CCDC180: variants seen among roughly 807,000 people sequenced by gnomAD.
CCDC180 encodes the protein coiled-coil domain containing 180.
In CCDC180, 154 loss-of-function variants were observed where a neutral mutation model predicts 209.2. That is an observed-to-expected ratio of 0.74 (90% CI 0.65 to 0.84). The LOEUF is 0.84. Ranked by LOEUF, CCDC180 falls within the 40% of genes least tolerant of loss-of-function variation. CCDC180 has a pLI of 0.00. For synonymous variants in CCDC180, 778 were observed against 749.1 expected (o/e 1.04, Z -0.63); for missense variants, 1,874 against 1,997.3 (o/e 0.94, Z 1.18).
chr9:97,337,030 C>T (rs1158897686), intron 18 of CCDC180, among the ~76,000 whole-genome samples: 4 of 152,176 alleles, frequency 2.6e-5, no homozygotes, highest in Non-Finnish European at 4.4e-5. Flanking sequence ...TGAGACTTTG[C>T]TGAAGTTGCT....
intron 13 of CCDC180, 64 bp from the exon 14 acceptor site, chr9:97,324,955 G>T: frequency 6.7e-7 from 1 of 1,494,382 alleles, no homozygotes; most frequent in Non-Finnish European, 9.1e-7. Context: ...CCCACAGGTG[G>T]GCCCTCTTCT....
Position 97,377,333 on chromosome 9 carries a change from C to T in CCDC180, c.*439C>T, listed in dbSNP as rs1827285902. ...TCCTAGACCCAACAAATAACTAATC[C>T]AATGTTGATTGGTATTTGTGCCACA... On this transcript the variant is annotated 3_prime_UTR_variant, in exon 37 of 37. Transcript: ENST00000529487. The T allele has an allele frequency of 6.5e-6, 1 of 152,954 alleles. No individual in the cohort carries two copies. Among genetic ancestry groups the T allele is most frequent in the Non-Finnish European group, 1.5e-5 (1 of 68,678 alleles). The allele number at this position is 152,954 out of a possible 1,614,324, so 9.5% of individuals were successfully genotyped here. A position where few individuals can be genotyped will look rare whatever the true frequency, so the allele number is the denominator to read the frequency against.
At chr9:97,335,007 C>T (rs1263914249) in intron 18 of CCDC180, among the ~76,000 whole-genome samples, 7 of 152,136 alleles carry the variant, frequency 4.6e-5, no homozygotes, top group Admixed American at 4.6e-4. Context: ...ATAGCAGGTA[C>T]ATTTCATTAA....
chr9:97,343,257 C>A, intron 18 of CCDC180, 83 bp from the exon 19 acceptor site: 1 of 927,960 alleles, frequency 1.1e-6, no homozygotes, highest in Non-Finnish European at 1.6e-6. Context: ...GGTTTACAAC[C>A]TCTGATATCA....
intron 19 of CCDC180, among the ~76,000 whole-genome samples, chr9:97,346,343 G>T (rs1025293736): frequency 2.0e-5 from 3 of 152,084 alleles, no homozygotes; most frequent in African/African-American, 7.2e-5. Flanking sequence ...CATCTGCTGC[G>T]ATGTTGTTTC....
intron 34 of CCDC180, chr9:97,372,063 G>A (rs138678427): frequency 3.4e-4 from 56 of 166,746 alleles, no homozygotes; most frequent in African/African-American, 1.2e-3. Context: ...ACCACAAACT[G>A]GAAAAGTATT....
Position 97,377,653 on chromosome 9 carries a change from C to G in CCDC180, c.*759C>G, listed in dbSNP as rs979844222. 1 of 152,276 alleles carries G rather than the reference C, an allele frequency of 6.6e-6. No individual in the cohort carries two copies. Among genetic ancestry groups the G allele is most frequent in the African/African-American group, 2.4e-5 (1 of 41,444 alleles). 9.4% of individuals were successfully genotyped at this position (152,276 alleles called of 1,614,324 possible). ...GTTCCCTCACCTGGGGACACTCACT[C>G]TGCTCTCCTGGTTTGCTCCACCCAG... On this transcript the variant is annotated 3_prime_UTR_variant, in exon 37 of 37. Coordinates refer to ENST00000529487, the MANE Select transcript of CCDC180 (RefSeq NM_020893.6).
chr9:97,308,949 T>A (rs1029689554), intron 2 of CCDC180, among the ~76,000 whole-genome samples: 3 of 152,202 alleles, frequency 2.0e-5, no homozygotes, highest in African/African-American at 7.2e-5. Context: ...AATTTCTAAT[T>A]TCTAATTTCT....
Position 97,332,219 on chromosome 9 carries a change from A to G in CCDC180, c.2274+1452A>G, listed in dbSNP as rs183208601. ...GTTTAGGTGTGAGGCATTCTATTCCATTGGTCTGTGTGTCTGTTTTTGTGC... is the reference window on the plus strand; with the variant it reads ...GTTTAGGTGTGAGGCATTCTATTCCGTTGGTCTGTGTGTCTGTTTTTGTGC... On this transcript the variant is annotated intron_variant, in intron 18 of 36. Transcript: ENST00000529487. 2.0e-3 allele frequency among the ~76,000 whole-genome samples: 304 copies of G among 151,984 alleles called. 1 individual carries two copies. The highest frequency in any genetic ancestry group is 2.0e-3 in the Non-Finnish European group (135 of 67,938).
rs779493205 is a variant in CCDC180, at chr9:97,318,497, C to G, written c.994C>G (p.Pro332Ala). 3.7e-6 allele frequency: 6 copies of G among 1,613,792 alleles called. No individual in the cohort carries two copies. The South Asian group carries it at 5.5e-5, about 15-fold the overall frequency. ...FMASESIHTP[P>A]AVTKELEVML... The stretch of plus-strand genomic sequence containing the variant: ...GGCCAGTGAGAGTATCCATACTCCC[C>G]CGGCTGTGACGAAGGAGCTAGAGGT... Residue 332 changes from proline (P) to alanine (A), a missense_variant, in exon 10 of 37, where the codon CCG (proline) becomes GCG (alanine). Transcript: ENST00000529487.
In CCDC180 at chr9:97,362,273, G is replaced by A; in HGVS notation, c.3734G>A (p.Gly1245Glu). ...ACAGGTAGAGGCGCATGGGCCTGTG[G>A]GTCTCGGGGCAGCAGTGAGGCAGGG... ...SQTGRGAWAC[G>E]SRGSSEAGAG... is the part of the protein sequence containing the mutation. Residue 1245 changes from glycine to glutamate, a missense_variant, in exon 28 of 37, where the codon GGG becomes GAG. Transcript: ENST00000529487. 6.2e-7 allele frequency: 1 copy of A among 1,614,138 alleles called. No homozygotes were observed. The highest frequency in any genetic ancestry group is 1.3e-5 in the African/African-American group (1 of 75,010).
At chr9:97,315,448 T>G (rs73559853) in intron 8 of CCDC180, among the ~76,000 whole-genome samples, 234 of 152,252 alleles carry the variant, frequency 1.5e-3, no homozygotes, top group African/African-American at 5.3e-3. Flanking sequence ...CTTGGCTCTG[T>G]CCCCACTGCT....
intron 3 of CCDC180, among the ~76,000 whole-genome samples, chr9:97,311,045 G>A (rs1480393357): frequency 3.3e-5 from 5 of 152,156 alleles, no homozygotes; most frequent in East Asian, 1.9e-4. Flanking sequence ...TCCCTCAGGC[G>A]TCAAAGCAAA....
At chr9:97,308,694 C>G (rs1030009439) in intron 2 of CCDC180, among the ~76,000 whole-genome samples, 5 of 152,166 alleles carry the variant, frequency 3.3e-5, no homozygotes, top group African/African-American at 1.2e-4. Context: ...ACACACAGAC[C>G]CAAATTCTTC....
At chr9:97,318,842 C>T (rs1157493913) in intron 10 of CCDC180, among the ~76,000 whole-genome samples, 1 of 152,196 alleles carries the variant, frequency 6.6e-6, no homozygotes, top group African/African-American at 2.4e-5. Flanking sequence ...AAGGAGCAGG[C>T]ACAGATCAGA....
chr9:97,357,770 A>G (rs955913231), intron 25 of CCDC180, 45 bp downstream of exon 25: 1 of 1,395,594 alleles, frequency 7.2e-7, no homozygotes. Flanking sequence ...AAGATATATC[A>G]TGCTAAAGTC....
chr9:97,313,428 C>T (rs1351110171), intron 5 of CCDC180, 83 bp downstream of exon 5: 9 of 928,710 alleles, frequency 9.7e-6, no homozygotes, highest in Non-Finnish European at 1.5e-5. Flanking sequence ...CTTCCTCCCC[C>T]TCTCCAGCAG....
chr9:97,330,195 T>A lies in CCDC180; in HGVS notation c.1828+2T>A, dbSNP rs770830584. Reference sequence around the variant, plus strand: ...TCATTTTCAAATTCAGGCAACCAGGTAACACTTTTTCAATTCAAGTTTTAT... The same window carrying A: ...TCATTTTCAAATTCAGGCAACCAGGAAACACTTTTTCAATTCAAGTTTTAT... On this transcript the variant is annotated splice_donor_variant, in intron 17 of 36. Coordinates refer to ENST00000529487, the MANE Select transcript of CCDC180 (RefSeq NM_020893.6). LOFTEE classifies it high-confidence loss of function. The A allele has an allele frequency of 8.1e-6, 13 of 1,613,644 alleles. No homozygotes were observed. Among genetic ancestry groups the A allele is most frequent in the Non-Finnish European group, 1.1e-5 (13 of 1,179,922 alleles).
At chr9:97,315,023 G>A (rs994089784) in intron 8 of CCDC180, 77 bp downstream of exon 8, 1 of 1,051,206 alleles carries the variant, frequency 9.5e-7, no homozygotes, top group South Asian at 1.3e-5. Flanking sequence ...CCCGAGCCTG[G>A]TGTCTGGTGT....
Sources: gnomAD v4.1 joint callset for allele counts (sites outside exome capture counted in the v4.1 genomes callset) on GRCh38, gnomAD v4.1.1 for gene constraint, MANE v1.5 for transcripts, NCBI Gene and HGNC (gene_info 2026-07-23, HGNC 2026-07-21) for gene names.